Variants in HMG20B observed in about 807,000 individuals in gnomAD.
HMG20B encodes the protein high mobility group 20B, also known as SWI/SNF-related matrix-associated actin-dependent regulator of chromatin subfamily E member 1-related.
HMG20B carries 24 observed loss-of-function variants against 41.6 expected under a neutral mutation model. The ratio of observed to expected loss-of-function variants is 0.58; its 90% CI spans 0.42 to 0.81. The LOEUF (loss-of-function observed/expected upper bound fraction) is 0.81, where lower values mean the gene tolerates loss of function less well. HMG20B is among the 30% of genes least tolerant of loss of function. The pLI, the probability that HMG20B is intolerant of heterozygous loss-of-function variation, is 0.00. For synonymous variants in HMG20B, 251 were observed against 186.6 expected (o/e 1.34, Z -2.81); for missense variants, 461 against 444.0 (o/e 1.04, Z -0.34).
At position 3,578,567 on chromosome 19, in the gene HMG20B, C is replaced by T. The variant is rs1437848748; in HGVS notation, c.*46C>T. The T allele has an allele frequency of 1.3e-6, 2 of 1,555,094 alleles. No individual in the cohort carries two copies. The highest frequency in any genetic ancestry group is 1.2e-5 in the South Asian group (1 of 84,340). On this transcript the variant is annotated 3_prime_UTR_variant, in exon 10 of 10. Coordinates refer to ENST00000333651, the MANE Select transcript of HMG20B (RefSeq NM_006339.3). ...GCAGAGGAGAAGCTGTGGGCGCGGC[C>T]CTGCCACACCCCACCCCGTGGACGA... is the stretch of plus-strand genomic sequence containing the variant.
chr19:3,575,412 G>A, intron 4 of HMG20B, 128 bp from the exon 5 acceptor site: 2 of 1,453,340 alleles, frequency 1.4e-6, no homozygotes, highest in South Asian at 2.6e-5. Context: ...GGTTCTGTCT[G>A]CCTGGAGGGA....
At chr19:3,573,192 G>T in intron 1 of HMG20B, 100 bp from the exon 2 acceptor site, 1 of 976,180 alleles carries the variant, frequency 1.0e-6, no homozygotes, top group Non-Finnish European at 1.4e-6. Context: ...AGCGCTCCGG[G>T]CCCGGCATCC....
In HMG20B at chr19:3,573,641, G is replaced by A. The variant is rs969391984; in HGVS notation, c.39-51G>A. 21 of 1,427,366 alleles carry A rather than the reference G, an allele frequency of 1.5e-5. No individual in the cohort carries two copies. In the South Asian group the frequency reaches 1.8e-4, roughly 12 times the overall value. 88.4% of individuals were successfully genotyped at this position (1,427,366 alleles called of 1,614,324 possible). ...CAAAACGCCCTGGGGTGGGCTTTTG[G>A]GGGAGGGGAGATTCTTGGGACGGGG... On this transcript the variant is annotated intron_variant, in intron 2 of 9. Coordinates refer to ENST00000333651, the MANE Select transcript of HMG20B (RefSeq NM_006339.3).
rs762162175 is a variant in HMG20B, at chr19:3,574,553, C to T, written c.318C>T (p.Ala106=). Residue 106 remains alanine, a synonymous_variant, in exon 4 of 10, where the codon GCC becomes GCT. Coordinates refer to ENST00000333651, the MANE Select transcript of HMG20B (RefSeq NM_006339.3). ...PFPEITKMLG[A]EWSKLQPTEK... Reference sequence around the variant, plus strand: ...CCGAGATCACCAAGATGCTGGGCGCCGAGTGGAGCAAGCTGCAGCCAACGG... The same window carrying T: ...CCGAGATCACCAAGATGCTGGGCGCTGAGTGGAGCAAGCTGCAGCCAACGG... 1.8e-5 allele frequency: 29 copies of T among 1,603,380 alleles called. No individual in the cohort carries two copies. The highest frequency in any genetic ancestry group is 2.3e-5 in the Non-Finnish European group (27 of 1,176,814).
At chr19:3,573,138 C>A in intron 1 of HMG20B, 144 bp downstream of exon 1, 1 of 563,470 alleles carries the variant, frequency 1.8e-6, no homozygotes, top group Non-Finnish European at 3.0e-6. Context: ...ATTCTTGGGG[C>A]GCCCGCCCTC....
chr19:3,575,837 G>C, intron 5 of HMG20B, 177 bp downstream of exon 5: 5 of 560,178 alleles, frequency 8.9e-6, no homozygotes, highest in Non-Finnish European at 1.3e-5. Context: ...CCAGCTACTC[G>C]GGAGGCTGAG....
Position 3,573,673 on chromosome 19 carries a change from G to C in HMG20B, c.39-19G>C, listed in dbSNP as rs567053086. Reference sequence around the variant, plus strand: ...GGAGATTCTTGGGACGGGGCTGACCGCGGTATCCTTGGCTCCAGGCCGGCG... The same window carrying C: ...GGAGATTCTTGGGACGGGGCTGACCCCGGTATCCTTGGCTCCAGGCCGGCG... On this transcript the variant is annotated intron_variant, in intron 2 of 9. Transcript: ENST00000333651. 2.9e-5 allele frequency: 43 copies of C among 1,487,344 alleles called. 1 individual carries two copies. The highest frequency in any genetic ancestry group is 9.8e-5 in the Admixed American group (4 of 40,666). The allele number at this position is 1,487,344 out of a possible 1,614,324, so 92.1% of individuals were successfully genotyped here.
chr19:3,573,366 T>G lies in HMG20B; in HGVS notation c.38+19T>G, dbSNP rs1033343705. The G allele has an allele frequency of 6.6e-7, 1 of 1,519,556 alleles. No homozygotes were observed. Among genetic ancestry groups the G allele is most frequent in the African/African-American group, 1.4e-5 (1 of 70,778 alleles). The allele number at this position is 1,519,556 out of a possible 1,614,324, so 94.1% of individuals were successfully genotyped here. ...CCGCCGCGTGAGTGCACTGATCCCC[T>G]CCCCACGCCCTCGCTACTTTCCCGG... On this transcript the variant is annotated intron_variant, in intron 2 of 9. Transcript: ENST00000333651.
chr19:3,578,170 C>G, intron 9 of HMG20B, 57 bp downstream of exon 9: 1 of 1,584,386 alleles, frequency 6.3e-7, no homozygotes, highest in Non-Finnish European at 8.6e-7. Flanking sequence ...TGTGCCCGCC[C>G]TGGGGTTCCC....
In HMG20B at chr19:3,574,571, G is replaced by A; in HGVS notation, c.336G>A (p.Gln112=). ...TGGGCGCCGAGTGGAGCAAGCTGCAGCCAACGGAAAAGCAGGTGGGCGGGG... is the reference window on the plus strand; with the variant it reads ...TGGGCGCCGAGTGGAGCAAGCTGCAACCAACGGAAAAGCAGGTGGGCGGGG... ...KMLGAEWSKL[Q]PTEKQRYLDE... The change falls in exon 4 of 10, where the codon CAG becomes CAA. Residue 112 remains glutamine, a synonymous_variant. Transcript: ENST00000333651. 1 of 1,600,248 alleles carries A rather than the reference G, an allele frequency of 6.2e-7. No homozygotes were observed. Among genetic ancestry groups the A allele is most frequent in the Non-Finnish European group, 8.5e-7 (1 of 1,175,434 alleles).
chr19:3,576,438 G>A, intron 6 of HMG20B, 115 bp from the exon 7 acceptor site: 1 of 1,337,404 alleles, frequency 7.5e-7, no homozygotes, highest in Non-Finnish European at 1.1e-6. Context: ...TGGGATCGCT[G>A]TTGATTGTAC....
At chr19:3,577,403 G>T (rs1366432712) in intron 8 of HMG20B, among the ~76,000 whole-genome samples, 1 of 138,318 alleles carries the variant, frequency 7.2e-6, no homozygotes, top group African/African-American at 2.8e-5. Flanking sequence ...CACCGACCGC[G>T]CCTCCCGGCC....
At position 3,576,502 on chromosome 19, in the gene HMG20B, C is replaced by T. The variant is rs2032165245; in HGVS notation, c.520-51C>T. 8.5e-6 allele frequency: 13 copies of T among 1,524,668 alleles called. No homozygotes were observed. The East Asian group carries it at 2.3e-4, about 27-fold the overall frequency. The allele number at this position is 1,524,668 out of a possible 1,614,324, so 94.4% of individuals were successfully genotyped here. A position where few individuals can be genotyped will look rare whatever the true frequency, so the allele number is the denominator to read the frequency against. On this transcript the variant is annotated intron_variant, in intron 6 of 9. Transcript: ENST00000333651. The stretch of plus-strand genomic sequence containing the variant: ...CTAGGCTTGGGGCACACCCAGAGAG[C>T]GTGGCTGCCTCCTACCACCAGTAAA...
intron 3 of HMG20B, chr19:3,574,108 A>G (rs2032103415): frequency 1.6e-6 from 1 of 630,074 alleles, no homozygotes; most frequent in Non-Finnish European, 2.8e-6. Flanking sequence ...ACGCCCACCA[A>G]GCAGAGGCCA....
chr19:3,576,546 G>C lies in HMG20B; in HGVS notation c.520-7G>C. 1 of 1,612,058 alleles carries C rather than the reference G, an allele frequency of 6.2e-7. No individual in the cohort carries two copies. The highest frequency in any genetic ancestry group is 8.5e-7 in the Non-Finnish European group (1 of 1,178,868). On this transcript the variant is annotated splice_polypyrimidine_tract_variant and splice_region_variant and intron_variant, in intron 6 of 9. Coordinates refer to ENST00000333651, the MANE Select transcript of HMG20B (RefSeq NM_006339.3). ...CAGTAAATTGCCACCTTGTCCCTTCGTCTTAGGGTGGGGACTGCGATGGCT... is the reference window on the plus strand; with the variant it reads ...CAGTAAATTGCCACCTTGTCCCTTCCTCTTAGGGTGGGGACTGCGATGGCT...
intron 8 of HMG20B, 59 bp downstream of exon 8, chr19:3,577,166 C>CCCCCTCCT (rs2032184060): frequency 8.6e-7 from 1 of 1,166,606 alleles, no homozygotes; most frequent in Non-Finnish European, 1.2e-6. Context: ...CCCGCCTCCC[C>CCCCCTCCT]CCCCCTCCTC....
At chr19:3,577,163 C>CCCCCCCCTCCT (rs2032183791) in intron 8 of HMG20B, 56 bp downstream of exon 8, 1 of 464,154 alleles carries the variant, frequency 2.2e-6, no homozygotes, top group Non-Finnish European at 3.0e-6. Context: ...CCGCCCGCCT[C>CCCCCCCCTCCT]CCCCCCCCTC....
intron 6 of HMG20B, 82 bp downstream of exon 6, chr19:3,576,389 G>A: frequency 2.0e-6 from 3 of 1,468,946 alleles, no homozygotes; most frequent in South Asian, 2.3e-5. Flanking sequence ...GCCAGTGCTC[G>A]CCCAGATGTG....
Position 3,578,880 on chromosome 19 carries a change from C to T in HMG20B, c.*359C>T, listed in dbSNP as rs202162391. 488 of 537,794 alleles carry T rather than the reference C, an allele frequency of 9.1e-4. 3 individuals carry two copies. The highest frequency in any genetic ancestry group is 2.6e-3 in the Middle Eastern group (9 of 3,522). The allele number at this position is 537,794 out of a possible 1,614,324, so 33.3% of individuals were successfully genotyped here. On this transcript the variant is annotated 3_prime_UTR_variant, in exon 10 of 10. Transcript: ENST00000333651. ...GCAGGACCCCCCAAATTACTCACTACGGGGGGCTGTGCCATAGGCCACACA... is the reference window on the plus strand; with the variant it reads ...GCAGGACCCCCCAAATTACTCACTATGGGGGGCTGTGCCATAGGCCACACA...
Sources: gnomAD v4.1 joint callset for allele counts (sites outside exome capture counted in the v4.1 genomes callset) on GRCh38, gnomAD v4.1.1 for gene constraint, MANE v1.5 for transcripts, NCBI Gene and HGNC (gene_info 2026-07-23, HGNC 2026-07-21) for gene names.